Variants in ARHGEF37 observed in about 807,000 individuals in gnomAD.
The protein encoded by ARHGEF37 is Rho guanine nucleotide exchange factor 37.
A neutral mutation model predicts 71.1 loss-of-function variants in ARHGEF37; 55 were observed. The ratio of observed to expected loss-of-function variants is 0.77; its 90% CI spans 0.62 to 0.97. ARHGEF37 has a LOEUF of 0.97. ARHGEF37 is among the 50% of genes least tolerant of loss of function. The probability of loss-of-function intolerance (pLI) is 0.00; values close to 1 mark genes in which losing one functional copy is unlikely to be tolerated. For missense variants in ARHGEF37, 765 were observed against 836.8 expected (o/e 0.91, Z 1.06); for synonymous variants, 327 against 350.6 (o/e 0.93, Z 0.75).
At chr5:149,592,481 C>A (rs1763438516) in intron 1 of ARHGEF37, among the ~76,000 whole-genome samples, 1 of 152,170 alleles carries the variant, frequency 6.6e-6, no homozygotes, top group Admixed American at 6.5e-5. Flanking sequence ...GCAGTTCGTT[C>A]CTTTTCATTT....
In ARHGEF37 at chr5:149,620,458, G is replaced by A. The variant is rs1417499939; in HGVS notation, c.999G>A (p.Leu333=). ...GAGACCTTCACCTTGAGGCCTTCCT[G>A]AAATTTGTGAGTGGAACCTTTCCTT... is the stretch of plus-strand genomic sequence containing the variant. ...LARDLHLEAF[L]KFKQRLEGLV... Residue 333 remains leucine, a synonymous_variant, in exon 8 of 13, where the codon CTG becomes CTA. Transcript: ENST00000333677. 8 of 1,604,756 alleles carry A rather than the reference G, an allele frequency of 5.0e-6. No individual in the cohort carries two copies. Among genetic ancestry groups the A allele is most frequent in the African/African-American group, 1.3e-5 (1 of 74,494 alleles).
chr5:149,576,572 C>T (rs1763031195), upstream of ARHGEF37, among the ~76,000 whole-genome samples: 1 of 152,148 alleles, frequency 6.6e-6, no homozygotes. Context: ...AACGTTTAGC[C>T]ACCATAACAT....
upstream of ARHGEF37, among the ~76,000 whole-genome samples, chr5:149,576,679 G>A (rs545163506): frequency 3.3e-5 from 5 of 152,230 alleles, no homozygotes; most frequent in East Asian, 1.9e-4. Flanking sequence ...TCTCAGGGCC[G>A]TGCATGGTGG....
chr5:149,609,208 A>G (rs191119915), intron 3 of ARHGEF37, among the ~76,000 whole-genome samples: 1,636 of 152,222 alleles, frequency 0.011, 66 homozygotes, highest in Admixed American at 0.078. Context: ...AAACAAAAAA[A>G]CAAGCTAATG....
At chr5:149,605,071 AC>A (rs1763879523) in intron 3 of ARHGEF37, among the ~76,000 whole-genome samples, 1 of 151,774 alleles carries the variant, frequency 6.6e-6, no homozygotes, top group Admixed American at 6.6e-5. Flanking sequence ...TACTAAAAAT[AC>A]AAAAATTAGT....
At chr5:149,595,157 T>C (rs942386600) in intron 1 of ARHGEF37, among the ~76,000 whole-genome samples, 6 of 152,124 alleles carry the variant, frequency 3.9e-5, no homozygotes, top group African/African-American at 1.4e-4. Flanking sequence ...GTTTCTTTTG[T>C]TGTTGTTTTT....
intron 1 of ARHGEF37, among the ~76,000 whole-genome samples, chr5:149,594,796 G>A (rs1050746868): frequency 3.3e-5 from 5 of 152,040 alleles, no homozygotes; most frequent in East Asian, 1.9e-4. Flanking sequence ...AAATACCCAC[G>A]TACTTACCTC....
intron 12 of ARHGEF37, among the ~76,000 whole-genome samples, chr5:149,631,047 G>A (rs1462196512): frequency 1.3e-5 from 2 of 152,126 alleles, no homozygotes; most frequent in South Asian, 2.1e-4. Context: ...GGTAAAACAG[G>A]CTCAGAGAGG....
At chr5:149,561,934 A>G (rs1762837660) in intron 1 of ARHGEF37, among the ~76,000 whole-genome samples, 2 of 152,184 alleles carry the variant, frequency 1.3e-5, no homozygotes, top group African/African-American at 4.8e-5. Flanking sequence ...TAGCAAGGGC[A>G]TGAAACTGTG....
intron 1 of ARHGEF37, among the ~76,000 whole-genome samples, chr5:149,590,496 G>A (rs1407899621): frequency 6.6e-6 from 1 of 151,934 alleles, no homozygotes; most frequent in Non-Finnish European, 1.5e-5. Context: ...TGGTCAGGCT[G>A]GTCTCGAACT....
chr5:149,583,720 C>G (rs1167594329), intron 1 of ARHGEF37, among the ~76,000 whole-genome samples: 1 of 152,160 alleles, frequency 6.6e-6, no homozygotes, highest in Non-Finnish European at 1.5e-5. Context: ...GCTTGACTGT[C>G]CAAAGCCTAT....
chr5:149,572,524 T>G (rs997797209), intron 1 of ARHGEF37, among the ~76,000 whole-genome samples: 2 of 152,234 alleles, frequency 1.3e-5, no homozygotes, highest in African/African-American at 4.8e-5. Context: ...TTTAAGGAGA[T>G]GCATATGGGT....
intron 1 of ARHGEF37, among the ~76,000 whole-genome samples, chr5:149,556,404 T>TTTA (rs1364373369): frequency 1.3e-5 from 1 of 78,532 alleles, no homozygotes; most frequent in East Asian, 4.4e-4. Context: ...TTATTTATTT[T>TTTA]GAGATGGAGT....
exon 1 of ARHGEF37, chr5:149,551,977 A>G (rs1284713716): frequency 6.6e-6 from 1 of 152,050 alleles, no homozygotes; most frequent in Non-Finnish European, 1.5e-5. Flanking sequence ...ATTACCCTTC[A>G]TAATTAGAAT....
chr5:149,617,348 G>T (rs547462842), intron 5 of ARHGEF37, among the ~76,000 whole-genome samples: 1 of 152,202 alleles, frequency 6.6e-6, no homozygotes, highest in African/African-American at 2.4e-5. Context: ...AATCAATAGT[G>T]GGGAGGTAAA....
chr5:149,618,407 G>T (rs1036300190), intron 6 of ARHGEF37, 101 bp downstream of exon 6: 1 of 1,518,022 alleles, frequency 6.6e-7, no homozygotes. Flanking sequence ...CAGAACTGAG[G>T]CAATGGAGGC....
At chr5:149,561,330 C>A (rs1762827511) in intron 1 of ARHGEF37, among the ~76,000 whole-genome samples, 1 of 150,014 alleles carries the variant, frequency 6.7e-6, no homozygotes, top group Non-Finnish European at 1.5e-5. Context: ...ATAGCTTTCC[C>A]TGGGGGTGGG....
At chr5:149,554,315 G>A (rs1188592945) in intron 1 of ARHGEF37, among the ~76,000 whole-genome samples, 1 of 152,182 alleles carries the variant, frequency 6.6e-6, no homozygotes, top group African/African-American at 2.4e-5. Flanking sequence ...GAGCAACAGA[G>A]TGAGACCTTG....
chr5:149,595,340 T>G (rs1393004407), intron 1 of ARHGEF37, among the ~76,000 whole-genome samples: 4 of 151,906 alleles, frequency 2.6e-5, no homozygotes, highest in African/African-American at 9.7e-5. Flanking sequence ...CATGCCTGAC[T>G]AATTACAAAA....
Sources: allele counts gnomAD v4.1 joint callset (sites outside exome capture counted in the v4.1 genomes callset), GRCh38; gene constraint gnomAD v4.1.1; transcripts MANE v1.5; gene names NCBI Gene and HGNC (gene_info 2026-07-23, HGNC 2026-07-21).